Variants in CTNNA2 observed in about 807,000 individuals in gnomAD.
The protein encoded by CTNNA2 is catenin alpha 2.
CTNNA2 carries 42 observed loss-of-function variants against 101.0 expected under a neutral mutation model. The observed-to-expected ratio is 0.42, with a 90% CI of 0.32 to 0.54. The LOEUF is 0.54. CTNNA2 is among the 20% of genes least tolerant of loss of function. The pLI is 0.14. For missense variants in CTNNA2, 871 were observed against 1,223.1 expected, an observed-to-expected ratio of 0.71 and a Z score of 4.29; for synonymous variants, 450 against 456.4, an observed-to-expected ratio of 0.99 and a Z score of 0.18.
At chr2:79,957,757 G>A (rs1689340285) in intron 7 of CTNNA2, among the ~76,000 whole-genome samples, 1 of 152,162 alleles carries the variant, frequency 6.6e-6, no homozygotes, top group African/African-American at 2.4e-5. Context: ...GATTTGTTGA[G>A]AAGTTCTAAT....
At chr2:80,137,583 T>C (rs1329935780) in intron 7 of CTNNA2, among the ~76,000 whole-genome samples, 1 of 152,086 alleles carries the variant, frequency 6.6e-6, no homozygotes, top group Non-Finnish European at 1.5e-5. Flanking sequence ...CGTTAACTAA[T>C]GAAAGGCTAG....
chr2:79,940,048 CA>C (rs1688049129), intron 7 of CTNNA2, among the ~76,000 whole-genome samples: 1 of 152,072 alleles, frequency 6.6e-6, no homozygotes, highest in Non-Finnish European at 1.5e-5. Flanking sequence ...GCCGAGATTG[CA>C]CCATTCCGTC....
In CTNNA2 at chr2:79,850,027, G is replaced by T. The variant is rs1680546122; in HGVS notation, c.299-7986G>T. Among the ~76,000 whole-genome samples, 3 of 152,158 alleles carry T rather than the reference G, an allele frequency of 2.0e-5. No homozygotes were observed. The South Asian group carries it at 6.2e-4, about 32-fold the overall frequency. ...ATTAAGCTTACAGGTCAAGGAAGGA[G>T]GGAAAACTCAAATGCATGCATGCAC... On this transcript the variant is annotated intron_variant, in intron 3 of 18. Transcript: ENST00000402739.
chr2:79,222,818 G>A (rs960878858), intron 2 of CTNNA2, among the ~76,000 whole-genome samples: 2 of 152,014 alleles, frequency 1.3e-5, no homozygotes, highest in African/African-American at 4.8e-5. Flanking sequence ...AGATCAGAAG[G>A]GTGGAGCTCT....
At chr2:80,406,199 T>G (rs2149386729) in intron 8 of CTNNA2, among the ~76,000 whole-genome samples, 1 of 151,992 alleles carries the variant, frequency 6.6e-6, no homozygotes, top group South Asian at 2.1e-4. Flanking sequence ...CTACTAAAAA[T>G]ACAAAGTTAG....
intron 4 of CTNNA2, among the ~76,000 whole-genome samples, chr2:79,489,927 C>A (rs1205586004): frequency 1.3e-5 from 2 of 152,178 alleles, no homozygotes; most frequent in African/African-American, 2.4e-5. Context: ...GCAGGGAATA[C>A]TCATGGCCCC....
At chr2:80,136,357 C>A (rs972831394) in intron 7 of CTNNA2, among the ~76,000 whole-genome samples, 6 of 152,250 alleles carry the variant, frequency 3.9e-5, no homozygotes, top group African/African-American at 1.4e-4. Context: ...GATTAGAAGA[C>A]CTTTGGCAGG....
chr2:79,984,638 G>C (rs1335617875), intron 7 of CTNNA2, among the ~76,000 whole-genome samples: 3 of 152,156 alleles, frequency 2.0e-5, no homozygotes. Context: ...AGTGAAGTGT[G>C]GCTATGAGTC....
chr2:79,640,787 T>C (rs1172692735), intron 1 of CTNNA2, among the ~76,000 whole-genome samples: 3 of 152,214 alleles, frequency 2.0e-5, no homozygotes, highest in South Asian at 4.1e-4. Flanking sequence ...AACTCTCTAC[T>C]ATATGCTGCA....
At chr2:80,137,919 A>C (rs1447326519) in intron 7 of CTNNA2, among the ~76,000 whole-genome samples, 3 of 152,148 alleles carry the variant, frequency 2.0e-5, no homozygotes. Flanking sequence ...GCCCCACCCC[A>C]GCATGGCTTC....
At chr2:79,309,141 T>A (rs1052886319) in intron 2 of CTNNA2, among the ~76,000 whole-genome samples, 1 of 152,150 alleles carries the variant, frequency 6.6e-6, no homozygotes, top group Non-Finnish European at 1.5e-5. Context: ...TTGCAATATG[T>A]TTTAACATAT....
intron 7 of CTNNA2, among the ~76,000 whole-genome samples, chr2:80,179,953 A>G (rs2148978424): frequency 6.6e-6 from 1 of 152,282 alleles, no homozygotes; most frequent in African/African-American, 2.4e-5. Flanking sequence ...ACCCACTGTA[A>G]GTTGGACCTG....
intron 7 of CTNNA2, among the ~76,000 whole-genome samples, chr2:80,078,240 A>C (rs1698886826): frequency 6.6e-6 from 1 of 152,152 alleles, no homozygotes; most frequent in African/African-American, 2.4e-5. Context: ...CGAGCTTGAA[A>C]ATGGTTGCAG....
At chr2:79,673,619 A>G (rs951495582) in intron 2 of CTNNA2, among the ~76,000 whole-genome samples, 1 of 152,190 alleles carries the variant, frequency 6.6e-6, no homozygotes, top group Non-Finnish European at 1.5e-5. Flanking sequence ...CAGTTTTATG[A>G]TTTTGTAAAT....
At chr2:79,964,882 T>G (rs1202351299) in intron 7 of CTNNA2, among the ~76,000 whole-genome samples, 1 of 152,188 alleles carries the variant, frequency 6.6e-6, no homozygotes, top group African/African-American at 2.4e-5. Flanking sequence ...TTCCAGTTTC[T>G]CTAAGCTAAA....
At chr2:79,212,089 G>C (rs1674181990) in intron 2 of CTNNA2, among the ~76,000 whole-genome samples, 1 of 152,204 alleles carries the variant, frequency 6.6e-6, no homozygotes, top group Non-Finnish European at 1.5e-5. Context: ...TGATTAGAGA[G>C]TGCCTAAGGA....
chr2:79,599,933 CTAGAG>C (rs1573446725), intron 1 of CTNNA2, among the ~76,000 whole-genome samples: 1 of 152,004 alleles, frequency 6.6e-6, no homozygotes, highest in Non-Finnish European at 1.5e-5. Flanking sequence ...GAATTTAGGT[CTAGAG>C]AAGAAAAGTC....
intron 7 of CTNNA2, among the ~76,000 whole-genome samples, chr2:80,318,333 G>A (rs1011299127): frequency 1.3e-5 from 2 of 152,190 alleles, no homozygotes; most frequent in African/African-American, 4.8e-5. Flanking sequence ...GTTTCTGTGT[G>A]CCCCTCCTCC....
At chr2:79,714,392 G>T (rs1685937366) in intron 2 of CTNNA2, among the ~76,000 whole-genome samples, 1 of 152,032 alleles carries the variant, frequency 6.6e-6, no homozygotes, top group South Asian at 2.1e-4. Context: ...TTGCAGTCAT[G>T]CTATTTATTT....
Sources: allele counts gnomAD v4.1 joint callset (sites outside exome capture counted in the v4.1 genomes callset), GRCh38; gene constraint gnomAD v4.1.1; transcripts MANE v1.5; gene names NCBI Gene and HGNC (gene_info 2026-07-23, HGNC 2026-07-21).